Variants in MEIS3 observed in about 807,000 individuals in gnomAD.
MEIS3 encodes Meis homeobox 3.
A neutral mutation model predicts 51.4 loss-of-function variants in MEIS3; 38 were observed. The observed-to-expected ratio is 0.74, with a 90% CI of 0.57 to 0.97. MEIS3 has a LOEUF of 0.97. MEIS3 is among the 50% of genes least tolerant of loss of function. The pLI is 0.00. For missense variants in MEIS3, 456 were observed against 502.6 expected (o/e 0.91, Z 0.89); for synonymous variants, 198 against 201.8 (o/e 0.98, Z 0.16).
Position 47,416,954 on chromosome 19 carries a change from G to T in MEIS3, c.195C>A (p.Leu65=). Residue 65 remains leucine, a synonymous_variant, in exon 3 of 13, where the codon CTC becomes CTA. Transcript: ENST00000558555. ...REKDEIYGHP[L]FPLLALVFEK... is the part of the protein sequence containing the mutation. ...CAAAGACCAGGGCCAAGAGGGGGAA[G>T]AGCGGGTGTCTGGGGAGGCAGGAAA... The T allele has an allele frequency of 6.3e-7, 1 of 1,586,952 alleles. No homozygotes were observed. The highest frequency in any genetic ancestry group is 8.6e-7 in the Non-Finnish European group (1 of 1,166,398).
chr19:47,418,972 A>G (rs1001728574), intron 1 of MEIS3, 98 bp downstream of exon 1: 1 of 589,098 alleles, frequency 1.7e-6, no homozygotes, highest in Non-Finnish European at 2.2e-6. Context: ...GGTGTAGAGG[A>G]CGGATGGGCT....
At chr19:47,406,865 C>G in intron 11 of MEIS3, 23 bp downstream of exon 11, 1 of 1,552,552 alleles carries the variant, frequency 6.4e-7, no homozygotes, top group Non-Finnish European at 8.7e-7. Context: ...GGGGCGGGGC[C>G]TAGCTAAGGG....
intron 6 of MEIS3, chr19:47,412,149 T>C (rs1166217331): frequency 6.6e-6 from 1 of 152,128 alleles, no homozygotes; most frequent in Non-Finnish European, 1.5e-5. Flanking sequence ...AGTTTCTTTA[T>C]GCAAACTCCA....
intron 8 of MEIS3, 55 bp downstream of exon 8, chr19:47,409,044 C>G: frequency 1.3e-6 from 2 of 1,582,850 alleles, no homozygotes; most frequent in Non-Finnish European, 8.6e-7. Context: ...TCTCTGTGGT[C>G]CACCCTTCTC....
intron 12 of MEIS3, among the ~76,000 whole-genome samples, chr19:47,404,927 G>A (rs1054830482): frequency 2.0e-5 from 3 of 152,232 alleles, no homozygotes; most frequent in Non-Finnish European, 2.9e-5. Context: ...GCACAGGGCT[G>A]GGCACAGAGG....
At chr19:47,420,975 T>TCTCTCTCTCTCTCTCTCTCTC (rs1568434395), upstream of MEIS3, among the ~76,000 whole-genome samples, 27 of 79,142 alleles carry the variant, frequency 3.4e-4, no homozygotes, top group African/African-American at 1.3e-3. Flanking sequence ...CTCTCTCTCT[T>TCTCTCTCTCTCTCTCTCTCTC]CCTGGCTGTC....
chr19:47,410,011 A>G (rs1971052048), intron 6 of MEIS3, among the ~76,000 whole-genome samples: 1 of 151,808 alleles, frequency 6.6e-6, no homozygotes, highest in African/African-American at 2.4e-5. Context: ...CCTTAACTGG[A>G]AAATGAAGGA....
At chr19:47,404,458 T>G (rs779332076) in intron 12 of MEIS3, among the ~76,000 whole-genome samples, 1 of 152,026 alleles carries the variant, frequency 6.6e-6, no homozygotes, top group Non-Finnish European at 1.5e-5. Flanking sequence ...GGCCCTGAAT[T>G]CATTAGCCAC....
chr19:47,421,125 T>C (rs895202277), upstream of MEIS3, among the ~76,000 whole-genome samples: 4 of 151,996 alleles, frequency 2.6e-5, no homozygotes, highest in Admixed American at 1.3e-4. Context: ...TGGGCCTCCC[T>C]GTGACAGTGT....
rs1450866790 is a variant in MEIS3 at position 47,416,942 on chromosome 19, C to T, written c.207G>A (p.Leu69=). 2 of 1,597,908 alleles carry T rather than the reference C, an allele frequency of 1.3e-6. No homozygotes were observed. The highest frequency in any genetic ancestry group is 1.7e-6 in the Non-Finnish European group (2 of 1,172,260). The stretch of plus-strand genomic sequence containing the variant: ...GTTCACATTTCTCAAAGACCAGGGC[C>T]AAGAGGGGGAAGAGCGGGTGTCTGG... ...EIYGHPLFPL[L]ALVFEKCELA... is the part of the protein sequence containing the mutation. The change falls in exon 3 of 13, where the codon TTG becomes TTA. Residue 69 remains leucine (L), a synonymous_variant. Transcript: ENST00000558555.
chr19:47,412,975 A>G lies in MEIS3; in HGVS notation c.597+1742T>C, dbSNP rs531474910. On this transcript the variant is annotated intron_variant, in intron 6 of 12. Transcript: ENST00000558555. ...CACCTCGGCCTCCCAAAGTACTGGG[A>G]TTACAGGCATGAGCCACTGCGCCCA... 2.4e-3 allele frequency among the ~76,000 whole-genome samples: 361 copies of G among 149,964 alleles called. 1 individual carries two copies. The highest frequency in any genetic ancestry group is 8.2e-3 in the African/African-American group (336 of 41,048).
intron 12 of MEIS3, among the ~76,000 whole-genome samples, chr19:47,405,711 G>C (rs891277614): frequency 4.6e-5 from 7 of 151,782 alleles, no homozygotes; most frequent in African/African-American, 1.7e-4. Context: ...CACCACACCT[G>C]GCTAATTTTT....
Position 47,414,504 on chromosome 19 carries a change from C to T in MEIS3, c.597+213G>A, listed in dbSNP as rs959697094. Among the ~76,000 whole-genome samples, 150 of 152,144 alleles carry T rather than the reference C, an allele frequency of 9.9e-4. 2 individuals carry two copies. Among genetic ancestry groups the T allele is most frequent in the Non-Finnish European group, 4.7e-4 (32 of 67,992 alleles). ...TGAATCTGTGGGTGGCATCTGCAGC[C>T]GCTGGTGTGCGTGTGTCTGTGCACT... On this transcript the variant is annotated intron_variant, in intron 6 of 12. Transcript: ENST00000558555.
intron 6 of MEIS3, among the ~76,000 whole-genome samples, chr19:47,414,226 T>C (rs1971278357): frequency 6.6e-6 from 1 of 152,100 alleles, no homozygotes; most frequent in South Asian, 2.1e-4. Context: ...TGGTTATATC[T>C]GAGTTTGCCG....
intron 12 of MEIS3, chr19:47,406,234 G>A (rs1354927325): frequency 6.4e-6 from 3 of 470,570 alleles, no homozygotes; most frequent in African/African-American, 6.0e-5. Context: ...ATATGGATGG[G>A]TGAGTGAGTG....
At chr19:47,407,057 C>T in intron 10 of MEIS3, 22 bp downstream of exon 10, 6 of 1,604,578 alleles carry the variant, frequency 3.7e-6, no homozygotes, top group Non-Finnish European at 5.1e-6. Context: ...CCAGGCTCTC[C>T]GTCCCCGCCT....
At chr19:47,406,615 G>T in intron 11 of MEIS3, 89 bp from the exon 12 acceptor site, 1 of 1,287,020 alleles carries the variant, frequency 7.8e-7, no homozygotes, top group Non-Finnish European at 1.1e-6. Context: ...CCTACACCAG[G>T]GGATCCCTCT....
At chr19:47,414,631 G>T in intron 6 of MEIS3, 86 bp downstream of exon 6, 3 of 1,462,446 alleles carry the variant, frequency 2.1e-6, no homozygotes, top group Non-Finnish European at 2.8e-6. Flanking sequence ...CTTCGTCTGA[G>T]GCTGTGTAGT....
At chr19:47,420,975 T>TCTC (rs1568434395), upstream of MEIS3, among the ~76,000 whole-genome samples, 471 of 78,954 alleles carry the variant, frequency 6.0e-3, 4 homozygotes, top group Middle Eastern at 0.014. Flanking sequence ...CTCTCTCTCT[T>TCTC]CCTGGCTGTC....
Sources: gnomAD v4.1 joint callset for allele counts (sites outside exome capture counted in the v4.1 genomes callset) on GRCh38, gnomAD v4.1.1 for gene constraint, MANE v1.5 for transcripts, NCBI Gene and HGNC (gene_info 2026-07-23, HGNC 2026-07-21) for gene names.